Variants in FSTL4 observed in about 807,000 individuals in gnomAD.
FSTL4 encodes follistatin like 4, also known as follistatin-related protein 4.
Under a neutral mutation model 78.2 loss-of-function variants are expected in FSTL4, and 28 were observed. That is an observed-to-expected ratio of 0.36 (90% CI 0.27 to 0.49). The LOEUF is 0.49. Among genes scored for constraint, FSTL4 ranks in the 20% least tolerant of loss-of-function variants. The pLI is 0.98. For synonymous variants in FSTL4, 422 were observed against 440.5 expected (o/e 0.96, Z 0.53); for missense variants, 922 against 1,084.9 (o/e 0.85, Z 2.11).
At chr5:133,368,118 CA>C (rs1755216486) in intron 4 of FSTL4, among the ~76,000 whole-genome samples, 1 of 152,256 alleles carries the variant, frequency 6.6e-6, no homozygotes, top group Admixed American at 6.5e-5. Context: ...CTGATAAGAG[CA>C]TCTTTGTTTA....
chr5:133,213,222 C>T (rs1053736451), intron 13 of FSTL4, among the ~76,000 whole-genome samples: 1 of 152,124 alleles, frequency 6.6e-6, no homozygotes, highest in Non-Finnish European at 1.5e-5. Context: ...AGACTGGTCT[C>T]GAACTCCTGA....
chr5:133,399,691 G>A (rs1419510001), intron 4 of FSTL4, among the ~76,000 whole-genome samples: 1 of 152,188 alleles, frequency 6.6e-6, no homozygotes, highest in Admixed American at 6.5e-5. Context: ...CTGCTCTCAC[G>A]CCTTTGTCTT....
intron 11 of FSTL4, among the ~76,000 whole-genome samples, chr5:133,221,911 T>TGTTTTG (rs1751135983): frequency 8.6e-6 from 1 of 115,844 alleles, no homozygotes; most frequent in African/African-American, 4.3e-5. Context: ...TTTTTTTTTT[T>TGTTTTG]TTTTTTTTTT....
chr5:133,332,642 C>T lies in FSTL4; in HGVS notation c.410-15990G>A, dbSNP rs1456751500. On this transcript the variant is annotated intron_variant, in intron 4 of 15. Transcript: ENST00000265342. Reference sequence around the variant, plus strand: ...GCTTCAGAATGTGTTAACCTGTCTTCTGACTTATGCTTTGAAAATGTGGTT... The same window carrying T: ...GCTTCAGAATGTGTTAACCTGTCTTTTGACTTATGCTTTGAAAATGTGGTT... Among the ~76,000 whole-genome samples, 4 of 152,228 alleles carry T rather than the reference C, an allele frequency of 2.6e-5. No homozygotes were observed. In the East Asian group the frequency reaches 5.8e-4, roughly 22 times the overall value.
chr5:133,351,171 T>C (rs1754814338), intron 4 of FSTL4, among the ~76,000 whole-genome samples: 1 of 152,258 alleles, frequency 6.6e-6, no homozygotes, highest in Admixed American at 6.5e-5. Flanking sequence ...TCTAATATTA[T>C]TCCATTGTGT....
At chr5:133,666,428 A>G in the FSTL4 span, among the ~76,000 whole-genome samples, 2 of 152,320 alleles carry the variant, frequency 1.3e-5, no homozygotes, top group East Asian at 3.9e-4. Flanking sequence ...AAAAGCCTCC[A>G]ACGTTGTATT....
the FSTL4 span, among the ~76,000 whole-genome samples, chr5:133,840,393 G>T: frequency 6.6e-6 from 1 of 152,210 alleles, no homozygotes; most frequent in Non-Finnish European, 1.5e-5. Flanking sequence ...AAGGTAGTAG[G>T]TTTAGTGAGA....
chr5:133,472,569 C>T (rs1344152426), intron 3 of FSTL4, among the ~76,000 whole-genome samples: 1 of 152,200 alleles, frequency 6.6e-6, no homozygotes, highest in African/African-American at 2.4e-5. Flanking sequence ...GAATTTATTT[C>T]AGCCTGATAC....
chr5:133,483,321 A>G (rs1213766929), intron 3 of FSTL4, among the ~76,000 whole-genome samples: 1 of 152,178 alleles, frequency 6.6e-6, no homozygotes, highest in Non-Finnish European at 1.5e-5. Context: ...GAACTAATAC[A>G]GAGATAGCAC....
intron 3 of FSTL4, among the ~76,000 whole-genome samples, chr5:133,420,299 A>G (rs1756664992): frequency 6.6e-6 from 1 of 152,242 alleles, no homozygotes; most frequent in Non-Finnish European, 1.5e-5. Flanking sequence ...GCAATGTTTT[A>G]TATCTTGATT....
intron 11 of FSTL4, among the ~76,000 whole-genome samples, chr5:133,222,594 C>T (rs1468983819): frequency 1.3e-5 from 2 of 152,230 alleles, no homozygotes; most frequent in Admixed American, 6.5e-5. Context: ...ATAGAGCCCA[C>T]ATGGGGTTTG....
chr5:133,532,649 T>G lies in FSTL4; in HGVS notation c.160+34537A>C, dbSNP rs528409244. On this transcript the variant is annotated intron_variant, in intron 3 of 15. Transcript: ENST00000265342. ...GCCTTATCTACCCCATAAGGACTTC[T>G]GATTCTCTGAACACAACAGGACAAA... Among the ~76,000 whole-genome samples, 342 of 152,308 alleles carry G rather than the reference T, an allele frequency of 2.2e-3. 1 individual carries two copies. Among genetic ancestry groups the G allele is most frequent in the Non-Finnish European group, 3.9e-3 (265 of 68,002 alleles).
chr5:133,222,702 T>C (rs2126790449), intron 11 of FSTL4, among the ~76,000 whole-genome samples: 1 of 152,278 alleles, frequency 6.6e-6, no homozygotes, highest in East Asian at 1.9e-4. Flanking sequence ...CAACAAGTAA[T>C]TGACTTCACG....
chr5:133,329,329 CA>C (rs1754287821), intron 4 of FSTL4, among the ~76,000 whole-genome samples: 1 of 152,048 alleles, frequency 6.6e-6, no homozygotes, highest in Non-Finnish European at 1.5e-5. Context: ...CCATCCTGCA[CA>C]AAAACTTCTG....
chr5:133,263,954 G>A (rs1024899864), intron 6 of FSTL4, among the ~76,000 whole-genome samples: 3 of 152,172 alleles, frequency 2.0e-5, no homozygotes, highest in Non-Finnish European at 1.5e-5. Context: ...GGGGATGTGG[G>A]GAACTGAACC....
At position 133,199,079 on chromosome 5, in the gene FSTL4, C is replaced by T. The variant is rs545038336; in HGVS notation, c.*16G>A. On this transcript the variant is annotated 3_prime_UTR_variant, in exon 16 of 16. Transcript: ENST00000265342. The surrounding 1 kb of genome is among the most constrained non-coding windows in gnomAD (Gnocchi z 4.4). ...CTAGGGGGTGTTCCTTGGCCCAGGG[C>T]TCTGCTCTGGGCCCTTCATACCTCA... 14 of 1,465,410 alleles carry T rather than the reference C, an allele frequency of 9.6e-6. No homozygotes were observed. In the South Asian group the frequency reaches 1.8e-4, roughly 18 times the overall value. 90.8% of individuals were successfully genotyped at this position (1,465,410 alleles called of 1,614,324 possible).
chr5:133,599,286 C>T (rs1423190546), intron 2 of FSTL4, among the ~76,000 whole-genome samples: 1 of 152,134 alleles, frequency 6.6e-6, no homozygotes, highest in Admixed American at 6.5e-5. Flanking sequence ...CTCGCGGGGA[C>T]AGGAGTGTCA....
intron 3 of FSTL4, among the ~76,000 whole-genome samples, chr5:133,473,331 G>A (rs1466865118): frequency 1.3e-5 from 2 of 152,208 alleles, no homozygotes; most frequent in Non-Finnish European, 2.9e-5. Flanking sequence ...CAGTATCAGC[G>A]ACAGGGTAGA....
chr5:133,349,928 C>A (rs1003304503), intron 4 of FSTL4, among the ~76,000 whole-genome samples: 1 of 135,966 alleles, frequency 7.4e-6, no homozygotes. Context: ...TGCTGCCATG[C>A]GACTGTAAAG....
Sources: allele counts gnomAD v4.1 joint callset (sites outside exome capture counted in the v4.1 genomes callset), GRCh38; gene constraint gnomAD v4.1.1; non-coding constraint Gnocchi (gnomAD v3.1); transcripts MANE v1.5; gene names NCBI Gene and HGNC (gene_info 2026-07-23, HGNC 2026-07-21).